The following SBF1 variants were observed in gnomAD, a reference collection of about 807,000 sequenced individuals.
SBF1 encodes myotubularin-related protein 5.
In SBF1, 65 loss-of-function variants were observed where a neutral mutation model predicts 215.8. The observed-to-expected ratio is 0.30, with a 90% CI of 0.25 to 0.37. The LOEUF (loss-of-function observed/expected upper bound fraction) is 0.37, where lower values mean the gene tolerates loss of function less well. Ranked by LOEUF, SBF1 falls within the 10% of genes least tolerant of loss-of-function variation. The pLI is 1.00. For missense variants in SBF1, 2,634 were observed against 2,667.8 expected (o/e 0.99, Z 0.28); for synonymous variants, 1,410 against 1,122.8 (o/e 1.26, Z -5.11).
chr22:50,449,043 CAA>C (rs1315027872), intron 36 of SBF1, among the ~76,000 whole-genome samples: 1 of 151,828 alleles, frequency 6.6e-6, no homozygotes, highest in Non-Finnish European at 1.5e-5. Flanking sequence ...ACTAAAAATA[CAA>C]AAAGTTAGCC....
Position 50,446,426 on chromosome 22 carries a change from CAA to C in SBF1, c.*714_*715del. ...TCTAGCCAGAAACTGACGTCCACCT[CAA>C]GTGTCCTCTGGACCTGCAACAGCCT... On this transcript the variant is annotated 3_prime_UTR_variant, in exon 41 of 41. Coordinates refer to ENST00000380817, the MANE Select transcript of SBF1 (RefSeq NM_002972.4). The C allele has an allele frequency of 6.4e-6, 1 of 155,114 alleles. No individual in the cohort carries two copies. The highest frequency in any genetic ancestry group is 2.5e-5 in the African/African-American group (1 of 40,428). 9.6% of individuals were successfully genotyped at this position (155,114 alleles called of 1,614,324 possible).
chr22:50,464,482 C>A (rs368878826), intron 14 of SBF1, 41 bp from the exon 15 acceptor site: 20 of 1,603,720 alleles, frequency 1.2e-5, no homozygotes, highest in Non-Finnish European at 1.6e-5. Context: ...CCTGACCCCA[C>A]GCCCATCCTG....
At position 50,456,473 on chromosome 22, in the gene SBF1, C is replaced by T. The variant is rs745822563; in HGVS notation, c.4086+19G>A. ...GCCGAGCCCCCACCCTCACCCCCCA[C>T]CCCCCGCACCCCAGTCACCTTGAGC... On this transcript the variant is annotated intron_variant, in intron 30 of 40. Transcript: ENST00000380817. 1.3e-6 allele frequency: 2 copies of T among 1,504,288 alleles called. No individual in the cohort carries two copies. Among genetic ancestry groups the T allele is most frequent in the African/African-American group, 1.4e-5 (1 of 69,908 alleles). The allele number at this position is 1,504,288 out of a possible 1,614,324, so 93.2% of individuals were successfully genotyped here.
At chr22:50,450,944 T>C (rs575528090) in intron 36 of SBF1, among the ~76,000 whole-genome samples, 3 of 152,122 alleles carry the variant, frequency 2.0e-5, no homozygotes, top group Admixed American at 6.5e-5. Context: ...CCCATCTTTA[T>C]ATATATTTTT....
chr22:50,473,849 G>A (rs1170144854), intron 1 of SBF1, among the ~76,000 whole-genome samples: 2 of 152,182 alleles, frequency 1.3e-5, no homozygotes, highest in East Asian at 3.8e-4. Flanking sequence ...TCTCTGAGCC[G>A]GCTCAGGCCA....
chr22:50,462,192 G>A lies in SBF1; in HGVS notation c.2396+13C>T. 1.2e-6 allele frequency: 2 copies of A among 1,604,054 alleles called. No individual in the cohort carries two copies. Among genetic ancestry groups the A allele is most frequent in the Non-Finnish European group, 1.7e-6 (2 of 1,179,446 alleles). On this transcript the variant is annotated intron_variant, in intron 19 of 40. Coordinates refer to ENST00000380817, the MANE Select transcript of SBF1 (RefSeq NM_002972.4). Reference sequence around the variant, plus strand: ...CCGCCTCCACTGGGCCCAACCCCCAGTCCCTGCCTCACCTGTTGGTGACCA... The same window carrying A: ...CCGCCTCCACTGGGCCCAACCCCCAATCCCTGCCTCACCTGTTGGTGACCA...
chr22:50,450,873 C>T (rs2067018152), intron 36 of SBF1, among the ~76,000 whole-genome samples: 1 of 152,024 alleles, frequency 6.6e-6, no homozygotes, highest in African/African-American at 2.4e-5. Flanking sequence ...TTCGGGAGGC[C>T]GAGGAGGGAG....
Position 50,463,251 on chromosome 22 carries a change from A to C in SBF1, c.1899+32T>G, listed in dbSNP as rs779609177. The C allele has an allele frequency of 2.5e-6, 4 of 1,611,886 alleles. No homozygotes were observed. In the South Asian group the frequency reaches 4.4e-5, roughly 18 times the overall value. Reference sequence around the variant, plus strand: ...CGCCTGTTCCCGCTCATGCGCCATGAGCCATGTCACTAGCAGGATAAGAGG... The same window carrying C: ...CGCCTGTTCCCGCTCATGCGCCATGCGCCATGTCACTAGCAGGATAAGAGG... On this transcript the variant is annotated intron_variant, in intron 16 of 40. Coordinates refer to ENST00000380817, the MANE Select transcript of SBF1 (RefSeq NM_002972.4).
rs577355100 is a variant in SBF1 at position 50,465,542 on chromosome 22, C to T, written c.1090-214G>A. Among the ~76,000 whole-genome samples the T allele has an allele frequency of 3.7e-4, 56 of 152,366 alleles. No homozygotes were observed. The South Asian group carries it at 9.3e-3, about 25-fold the overall frequency. Reference sequence around the variant, plus strand: ...ACCCTCAAGGGCTCCTGTGATCAGACGCCAAGTTCCAGCCCCTTGCTGGGC... The same window carrying T: ...ACCCTCAAGGGCTCCTGTGATCAGATGCCAAGTTCCAGCCCCTTGCTGGGC... On this transcript the variant is annotated intron_variant, in intron 10 of 40. Transcript: ENST00000380817.
intron 26 of SBF1, 89 bp downstream of exon 26, chr22:50,459,863 G>A: frequency 6.7e-7 from 1 of 1,484,646 alleles, no homozygotes; most frequent in South Asian, 1.2e-5. Context: ...TTCCTTACAT[G>A]ACCAGAAGCC....
intron 1 of SBF1, among the ~76,000 whole-genome samples, chr22:50,471,888 G>A (rs901883861): frequency 1.3e-5 from 2 of 152,216 alleles, no homozygotes; most frequent in Admixed American, 6.5e-5. Context: ...GGAGAGGCGA[G>A]GCCATAGGGT....
Position 50,456,659 on chromosome 22 carries a change from C to A in SBF1, c.3919G>T (p.Val1307Phe). 2 of 1,483,290 alleles carry A rather than the reference C, an allele frequency of 1.3e-6. No individual in the cohort carries two copies. Among genetic ancestry groups the A allele is most frequent in the Non-Finnish European group, 1.8e-6 (2 of 1,116,274 alleles). 91.9% of individuals were successfully genotyped at this position (1,483,290 alleles called of 1,614,324 possible). Reference protein sequence around the residue: ...RTAPRGKWGSVRTSGRSSGLG... With the variant: ...RTAPRGKWGSFRTSGRSSGLG... ...CCACTGCTGCGTCCACTGGTCCGGACACTGCCCCACTTACCTGTGAAGGAG... is the reference window on the plus strand; with the variant it reads ...CCACTGCTGCGTCCACTGGTCCGGAAACTGCCCCACTTACCTGTGAAGGAG... Residue 1307 changes from valine to phenylalanine, a missense_variant, in exon 30 of 41, where the codon GTC (valine) becomes TTC (phenylalanine). Val to Phe is a conservative substitution (Grantham distance 50). Transcript: ENST00000380817.
chr22:50,466,297 C>A (rs773556913), intron 7 of SBF1, 39 bp from the exon 8 acceptor site: 1 of 1,610,704 alleles, frequency 6.2e-7, no homozygotes, highest in African/African-American at 1.3e-5. Context: ...CCAGGGGACG[C>A]GGCTGGGCAA....
Position 50,459,373 on chromosome 22 carries a change from C to G in SBF1, c.3708G>C (p.Ser1236=). 4 of 1,612,352 alleles carry G rather than the reference C, an allele frequency of 2.5e-6. No homozygotes were observed. The highest frequency in any genetic ancestry group is 2.2e-5 in the East Asian group (1 of 44,826). ...GGTACTTCTCCTGCTCCAGGCTACT[C>G]GAGTCCGCCTGGGACTGGCCTGGGG... ...APSPGQSQAD[S]SSLEQEKYLQ... Residue 1236 remains serine, a synonymous_variant, in exon 28 of 41, where the codon TCG becomes TCC. Transcript: ENST00000380817.
chr22:50,470,473 C>T (rs1319341809), intron 1 of SBF1, among the ~76,000 whole-genome samples: 1 of 152,170 alleles, frequency 6.6e-6, no homozygotes, highest in East Asian at 1.9e-4. Context: ...CTCCACTCTC[C>T]TTGGGCTGGC....
In SBF1 at chr22:50,455,438, G is replaced by A. The variant is rs375191226; in HGVS notation, c.4369-29C>T. On this transcript the variant is annotated intron_variant, in intron 32 of 40. Coordinates refer to ENST00000380817, the MANE Select transcript of SBF1 (RefSeq NM_002972.4). ...CCAGCACCGCCAGGAGGTCAGCGAGGAGCCCGGGAGCCTGGCCCACCCCAG... is the reference window on the plus strand; with the variant it reads ...CCAGCACCGCCAGGAGGTCAGCGAGAAGCCCGGGAGCCTGGCCCACCCCAG... 597 of 1,612,104 alleles carry A rather than the reference G, an allele frequency of 3.7e-4. 1 individual carries two copies. Among genetic ancestry groups the A allele is most frequent in the Non-Finnish European group, 4.9e-4 (575 of 1,179,216 alleles).
At chr22:50,459,139 A>G in intron 28 of SBF1, 116 bp downstream of exon 28, 1 of 1,417,032 alleles carries the variant, frequency 7.1e-7, no homozygotes, top group Admixed American at 2.5e-5. Context: ...TCCCACACCC[A>G]AACATCCATG....
intron 23 of SBF1, 119 bp from the exon 24 acceptor site, chr22:50,460,831 G>A: frequency 2.6e-6 from 3 of 1,139,424 alleles, no homozygotes; most frequent in Non-Finnish European, 3.8e-6. Context: ...GCAGGCCCCA[G>A]GCAAAGGCCT....
chr22:50,460,838 G>C, intron 23 of SBF1, 126 bp from the exon 24 acceptor site: 1 of 1,075,162 alleles, frequency 9.3e-7, no homozygotes, highest in East Asian at 2.4e-5. Flanking sequence ...CCAGGCAAAG[G>C]CCTGTATCTG....
Sources: gnomAD v4.1 joint callset for allele counts (sites outside exome capture counted in the v4.1 genomes callset) on GRCh38, gnomAD v4.1.1 for gene constraint, MANE v1.5 for transcripts, NCBI Gene and HGNC (gene_info 2026-07-23, HGNC 2026-07-21) for gene names.